Variants in FMN2 observed in about 807,000 individuals in gnomAD.
FMN2 encodes the protein formin-2.
In FMN2, 51 loss-of-function variants were observed where a neutral mutation model predicts 142.3. That is an observed-to-expected ratio of 0.36 (90% CI 0.29 to 0.45). The LOEUF (loss-of-function observed/expected upper bound fraction) is 0.45. Ranked by LOEUF, FMN2 falls within the 20% of genes least tolerant of loss-of-function variation. The pLI is 1.00. For missense variants in FMN2, 1,936 were observed against 2,122.8 expected (o/e 0.91, Z 1.73); for synonymous variants, 882 against 869.8 (o/e 1.01, Z -0.25).
chr1:240,460,420 C>T (rs187207832), intron 16 of FMN2, among the ~76,000 whole-genome samples: 10 of 152,112 alleles, frequency 6.6e-5, no homozygotes, highest in Admixed American at 3.9e-4. Flanking sequence ...GGTGAAACGC[C>T]GTCTCTACTA....
At chr1:240,209,355 A>G (rs770888069) in intron 5 of FMN2, among the ~76,000 whole-genome samples, 93 of 150,056 alleles carry the variant, frequency 6.2e-4, no homozygotes, top group South Asian at 1.1e-3. Flanking sequence ...GGTTCACCCC[A>G]TTCTCCTGCC....
At chr1:240,342,448 T>C (rs1671775494) in intron 13 of FMN2, among the ~76,000 whole-genome samples, 1 of 152,224 alleles carries the variant, frequency 6.6e-6, no homozygotes, top group Non-Finnish European at 1.5e-5. Flanking sequence ...TTGTAGGAAA[T>C]TAGACTCCTC....
intron 6 of FMN2, among the ~76,000 whole-genome samples, chr1:240,213,446 A>T (rs138673134): frequency 9.2e-5 from 14 of 152,174 alleles, no homozygotes; most frequent in Admixed American, 4.6e-4. Context: ...AATCACTACA[A>T]AGTGATGGAT....
At chr1:240,369,347 C>T (rs149274982) in intron 14 of FMN2, among the ~76,000 whole-genome samples, 1 of 152,266 alleles carries the variant, frequency 6.6e-6, no homozygotes, top group East Asian at 1.9e-4. Context: ...CATTTGAATG[C>T]CATTCCTTTC....
At chr1:240,275,608 G>A (rs1317009599) in intron 7 of FMN2, among the ~76,000 whole-genome samples, 1 of 152,176 alleles carries the variant, frequency 6.6e-6, no homozygotes, top group East Asian at 1.9e-4. Flanking sequence ...TATATACCCA[G>A]TAATGGGATT....
intron 6 of FMN2, among the ~76,000 whole-genome samples, chr1:240,233,723 C>T (rs954375819): frequency 6.6e-6 from 1 of 152,112 alleles, no homozygotes; most frequent in African/African-American, 2.4e-5. Flanking sequence ...AGAATAGGAC[C>T]ACCTCATTAA....
At position 240,249,568 on chromosome 1, in the gene FMN2, C is replaced by T. The variant is rs567571954; in HGVS notation, c.4066-8377C>T. Among the ~76,000 whole-genome samples, 19 of 151,962 alleles carry T rather than the reference C, an allele frequency of 1.3e-4. No homozygotes were observed. In the South Asian group the frequency reaches 2.5e-3, roughly 20 times the overall value. Reference sequence around the variant, plus strand: ...CTTTGTTTGTTTATTCGTTTTGCTCCGGATTGCTTTGTCTATTCAGGTTTG... The same window carrying T: ...CTTTGTTTGTTTATTCGTTTTGCTCTGGATTGCTTTGTCTATTCAGGTTTG... On this transcript the variant is annotated intron_variant, in intron 6 of 17. Coordinates refer to ENST00000319653, the MANE Select transcript of FMN2 (RefSeq NM_020066.5).
intron 15 of FMN2, among the ~76,000 whole-genome samples, chr1:240,427,232 A>G (rs926138595): frequency 1.3e-4 from 20 of 149,164 alleles, no homozygotes; most frequent in African/African-American, 5.1e-4. Context: ...TTTGAGACAG[A>G]GTCTCGCCTG....
intron 11 of FMN2, 96 bp downstream of exon 11, chr1:240,330,845 T>A: frequency 7.0e-7 from 1 of 1,429,614 alleles, no homozygotes; most frequent in Non-Finnish European, 9.4e-7. Context: ...AAAATATTTA[T>A]GTTCCTAGGT....
At chr1:240,203,714 T>C (rs1666218694) in intron 4 of FMN2, among the ~76,000 whole-genome samples, 1 of 152,086 alleles carries the variant, frequency 6.6e-6, no homozygotes, top group South Asian at 2.1e-4. Context: ...CTGGGCATAA[T>C]ACCTAGGTGA....
rs762626236 is a variant in FMN2 at position 240,349,081 on chromosome 1, A to G, written c.4766-6735A>G. ...AGCATAGGTCCTGACTGTGCCATAT[A>G]TAGCATGCCCCTGGTGGGCTGATTT... On this transcript the variant is annotated intron_variant, in intron 13 of 17. Transcript: ENST00000319653. Among the ~76,000 whole-genome samples the G allele has an allele frequency of 6.6e-5, 10 of 152,160 alleles. 1 individual carries two copies. The highest frequency in any genetic ancestry group is 1.5e-4 in the Non-Finnish European group (10 of 68,020).
At chr1:240,203,525 G>A (rs1666210245) in intron 4 of FMN2, among the ~76,000 whole-genome samples, 1 of 152,182 alleles carries the variant, frequency 6.6e-6, no homozygotes, top group Non-Finnish European at 1.5e-5. Flanking sequence ...GGATGGAGCT[G>A]GAAGCCGTTA....
intron 13 of FMN2, among the ~76,000 whole-genome samples, chr1:240,340,408 C>G (rs1046866157): frequency 6.6e-6 from 1 of 151,884 alleles, no homozygotes; most frequent in Non-Finnish European, 1.5e-5. Context: ...TGGTGAAACC[C>G]CATCTCTACT....
At chr1:240,414,107 A>C (rs555992631) in intron 15 of FMN2, among the ~76,000 whole-genome samples, 9 of 152,308 alleles carry the variant, frequency 5.9e-5, no homozygotes, top group African/African-American at 1.9e-4. Context: ...GGTGAAATTT[A>C]GGTTTGTGTG....
At chr1:240,183,476 T>C (rs1232026657) in intron 3 of FMN2, among the ~76,000 whole-genome samples, 5 of 148,190 alleles carry the variant, frequency 3.4e-5, no homozygotes, top group South Asian at 4.2e-4. Context: ...ATTGAATATA[T>C]ATTATATATT....
chr1:240,246,320 C>T (rs1004076), intron 6 of FMN2, among the ~76,000 whole-genome samples: 43,795 of 152,094 alleles, frequency 0.29, 6,412 homozygotes, highest in Middle Eastern at 0.39. Context: ...TGTAGGCTGG[C>T]GCTGTGGAAC....
Position 240,271,041 on chromosome 1 carries a change from C to T in FMN2, c.4153+13009C>T, listed in dbSNP as rs1234643655. On this transcript the variant is annotated intron_variant, in intron 7 of 17. Transcript: ENST00000319653. The stretch of plus-strand genomic sequence containing the variant: ...TAAATAAATAATTAAAGCACAAGAA[C>T]ACTTCTTTAAAAATCTGCAAATAAC... 4.1e-5 allele frequency among the ~76,000 whole-genome samples: 6 copies of T among 146,176 alleles called. No homozygotes were observed. In the Admixed American group the frequency reaches 4.1e-4, roughly 10 times the overall value.
chr1:240,325,966 A>G (rs147343079), intron 8 of FMN2, among the ~76,000 whole-genome samples: 262 of 152,282 alleles, frequency 1.7e-3, no homozygotes, highest in Non-Finnish European at 3.4e-3. Context: ...ACATCAAACA[A>G]TGTTACATAT....
chr1:240,092,916 C>A lies in FMN2; in HGVS notation c.807C>A (p.Thr269=). ...GGGAGGCCCCGGGCAGTCCGGACACCGAGCAGGCGCTGTCCGCGCTCTCCG... is the reference window on the plus strand; with the variant it reads ...GGGAGGCCCCGGGCAGTCCGGACACAGAGCAGGCGCTGTCCGCGCTCTCCG... ...GAGEAPGSPD[T]EQALSALSDL... is the part of the protein sequence containing the mutation. Residue 269 remains threonine (T), a synonymous_variant, in exon 1 of 18, where the codon ACC becomes ACA. Coordinates refer to ENST00000319653, the MANE Select transcript of FMN2 (RefSeq NM_020066.5). 1 of 1,479,872 alleles carries A rather than the reference C, an allele frequency of 6.8e-7. No homozygotes were observed. Among genetic ancestry groups the A allele is most frequent in the Non-Finnish European group, 8.9e-7 (1 of 1,123,248 alleles). The allele number at this position is 1,479,872 out of a possible 1,614,324, so 91.7% of individuals were successfully genotyped here. A position where few individuals can be genotyped will look rare whatever the true frequency, so the allele number is the denominator to read the frequency against.
Sources: gnomAD v4.1 joint callset for allele counts (sites outside exome capture counted in the v4.1 genomes callset) on GRCh38, gnomAD v4.1.1 for gene constraint, MANE v1.5 for transcripts, NCBI Gene and HGNC (gene_info 2026-07-23, HGNC 2026-07-21) for gene names.